Variants in CHM observed in about 807,000 individuals in gnomAD.
CHM encodes CHM Rab escort protein, also known as rab proteins geranylgeranyltransferase component A 1.
Under a neutral mutation model 49.0 loss-of-function variants are expected in CHM, and 10 were observed. The observed-to-expected ratio is 0.20, with a 90% CI of 0.13 to 0.35. The LOEUF is 0.35. Among genes scored for constraint, CHM ranks in the 10% least tolerant of loss-of-function variants. The probability of loss-of-function intolerance (pLI) is 1.00; values close to 1 mark genes in which losing one functional copy is unlikely to be tolerated. For missense variants in CHM, 455 were observed against 478.4 expected, an observed-to-expected ratio of 0.95 and a Z score of 0.46; for synonymous variants, 184 against 167.5, an observed-to-expected ratio of 1.10 and a Z score of -0.76.
chrX:85,922,456 G>A (rs956397328), intron 8 of CHM, among the ~76,000 whole-genome samples: 4 of 111,950 alleles, frequency 3.6e-5, no homozygotes, highest in East Asian at 2.8e-4. Flanking sequence ...AAAATTGGAC[G>A]GCATATGCCA....
intron 8 of CHM, among the ~76,000 whole-genome samples, chrX:85,920,143 T>C (rs768765680): frequency 1.8e-3 from 201 of 109,647 alleles, no homozygotes; most frequent in African/African-American, 6.4e-3. Flanking sequence ...TCGCCCAGGC[T>C]GGAGTGCAGT....
chrX:86,036,807 A>G (rs1014406637), intron 1 of CHM, among the ~76,000 whole-genome samples: 2 of 111,600 alleles, frequency 1.8e-5, no homozygotes, highest in African/African-American at 6.5e-5. Context: ...CCCCTTAGGT[A>G]GGAATTTGGG....
rs370108837 is a variant in CHM at position 85,894,194 on chromosome X, C to T, written c.1504G>A (p.Gly502Ser). ...LCSSTMTCMK[G>S]TYLVHLTCTS... is the part of the protein sequence containing the mutation. The stretch of plus-strand genomic sequence containing the variant: ...ACCACTCTACTATGCTTACAGGTGC[C>T]TTTCATGCATGTCATCGTTGAAGAA... The change falls in exon 12 of 15, where the codon GGC (glycine) becomes AGC (serine). Residue 502 changes from glycine (G) to serine (S), a missense_variant. Coordinates refer to ENST00000357749, the MANE Select transcript of CHM (RefSeq NM_000390.4). The T allele has an allele frequency of 4.1e-6, 5 of 1,205,032 alleles. No homozygotes were observed. The African/African-American group carries it at 8.8e-5, about 21-fold the overall frequency.
intron 8 of CHM, among the ~76,000 whole-genome samples, chrX:85,954,500 A>G (rs916769785): frequency 1.8e-5 from 2 of 112,095 alleles, no homozygotes; most frequent in Non-Finnish European, 3.8e-5. Flanking sequence ...ACTGTTCACA[A>G]TAACCAAGAT....
intron 1 of CHM, among the ~76,000 whole-genome samples, chrX:86,030,154 T>TTAA (rs1384098998): frequency 8.9e-6 from 1 of 112,338 alleles, no homozygotes; most frequent in Non-Finnish European, 1.9e-5. Flanking sequence ...ATCTCTGCTA[T>TTAA]TAAAGCAAAG....
chrX:86,021,029 CACACATATATAT>C (rs1356993139), intron 2 of CHM, among the ~76,000 whole-genome samples: 2 of 97,068 alleles, frequency 2.1e-5, no homozygotes, highest in African/African-American at 7.5e-5. Flanking sequence ...CATATATACA[CACACATATATAT>C]ACACATATAT....
intron 7 of CHM, among the ~76,000 whole-genome samples, chrX:85,957,407 C>T (rs899301790): frequency 1.5e-4 from 16 of 108,904 alleles, no homozygotes; most frequent in African/African-American, 4.3e-4. Flanking sequence ...TTTTTTCAAA[C>T]GAAATAGTTC....
chrX:85,910,190 T>C (rs764318015), intron 9 of CHM, among the ~76,000 whole-genome samples: 1 of 111,861 alleles, frequency 8.9e-6, no homozygotes, highest in Middle Eastern at 4.8e-3. Flanking sequence ...TAATTCAAAA[T>C]ACTAGTTTTT....
chrX:85,909,130 C>T (rs1416484408), intron 9 of CHM, among the ~76,000 whole-genome samples: 1 of 111,366 alleles, frequency 9.0e-6, no homozygotes, highest in Non-Finnish European at 1.9e-5. Flanking sequence ...ATCCAAGTCT[C>T]CTCTCATTCA....
chrX:85,989,509 TA>T (rs1932077220), intron 2 of CHM, among the ~76,000 whole-genome samples: 1 of 112,195 alleles, frequency 8.9e-6, no homozygotes, highest in Non-Finnish European at 1.9e-5. Context: ...GGAATCTAAT[TA>T]AACTTCAGAG....
intron 1 of CHM, among the ~76,000 whole-genome samples, chrX:86,029,578 T>C (rs1258193922): frequency 1.2e-4 from 13 of 111,980 alleles, no homozygotes; most frequent in African/African-American, 4.2e-4. Flanking sequence ...CAGTATTATC[T>C]ATGTGAGGAA....
intron 2 of CHM, among the ~76,000 whole-genome samples, chrX:86,018,219 G>A (rs1025108625): frequency 2.7e-5 from 3 of 112,268 alleles, no homozygotes; most frequent in African/African-American, 9.7e-5. Flanking sequence ...TTAGAAAACA[G>A]TCAAAATACA....
At chrX:85,902,447 T>C (rs965703305) in intron 9 of CHM, among the ~76,000 whole-genome samples, 5 of 111,853 alleles carry the variant, frequency 4.5e-5, no homozygotes, top group Non-Finnish European at 7.5e-5. Context: ...CTATGATGTC[T>C]AGTGATGTTA....
chrX:86,031,250 T>G (rs1355434237), intron 1 of CHM, among the ~76,000 whole-genome samples: 1 of 111,753 alleles, frequency 8.9e-6, no homozygotes, highest in Admixed American at 9.5e-5. Flanking sequence ...AAAGAGCTGC[T>G]CTACATCATT....
intron 4 of CHM, 59 bp from the exon 5 acceptor site, chrX:85,964,111 T>G (rs1930453323): frequency 1.9e-6 from 2 of 1,061,503 alleles, no homozygotes; most frequent in East Asian, 6.1e-5. Flanking sequence ...TTACCCCTTT[T>G]ATCAAGTTCA....
intron 8 of CHM, among the ~76,000 whole-genome samples, chrX:85,953,880 A>G (rs964228094): frequency 1.8e-5 from 2 of 112,163 alleles, no homozygotes; most frequent in African/African-American, 3.2e-5. Flanking sequence ...TTCTTAAGCA[A>G]TGCCCCACAA....
chrX:85,973,132 C>G (rs1421956424), intron 4 of CHM, among the ~76,000 whole-genome samples: 1 of 106,596 alleles, frequency 9.4e-6, no homozygotes, highest in Admixed American at 1.0e-4. Flanking sequence ...AACCCAGTCT[C>G]TACTAAAAAT....
chrX:85,922,462 T>C (rs374209584), intron 8 of CHM, among the ~76,000 whole-genome samples: 95 of 112,460 alleles, frequency 8.4e-4, no homozygotes, highest in African/African-American at 2.7e-3. Flanking sequence ...GGACGGCATA[T>C]GCCATAGCAT....
chrX:85,921,422 G>A (rs138415023), intron 8 of CHM, among the ~76,000 whole-genome samples: 1 of 111,750 alleles, frequency 8.9e-6, no homozygotes, highest in Non-Finnish European at 1.9e-5. Flanking sequence ...CTTCCAAAGG[G>A]TAGTATGCAG....
Sources: gnomAD v4.1 joint callset for allele counts (sites outside exome capture counted in the v4.1 genomes callset) on GRCh38, gnomAD v4.1.1 for gene constraint, MANE v1.5 for transcripts, NCBI Gene and HGNC (gene_info 2026-07-23, HGNC 2026-07-21) for gene names.